ASXL2: variants seen among roughly 807,000 people sequenced by gnomAD.
ASXL2 encodes the protein putative Polycomb group protein ASXL2.
ASXL2 carries 23 observed loss-of-function variants against 122.0 expected under a neutral mutation model. The observed-to-expected ratio is 0.19, with a 90% CI of 0.14 to 0.27. The LOEUF (loss-of-function observed/expected upper bound fraction) is 0.27, where lower values mean the gene tolerates loss of function less well. Ranked by LOEUF, ASXL2 falls within the 10% of genes least tolerant of loss-of-function variation. The probability of loss-of-function intolerance (pLI) is 1.00; values close to 1 mark genes in which losing one functional copy is unlikely to be tolerated. For synonymous variants in ASXL2, 650 were observed against 637.0 expected (o/e 1.02, Z -0.31); for missense variants, 1,518 against 1,713.8 (o/e 0.89, Z 2.02).
Position 25,849,675 on chromosome 2 carries a change from CA to C in ASXL2, c.58-4113del, listed in dbSNP as rs568153380. On this transcript the variant is annotated intron_variant, in intron 1 of 12. Transcript: ENST00000435504. ...TTTTTTTGTAGAGACAGGGTTTTGC[CA>C]TGTTGCCCAGGCCGGTCTCGAACTG... 2.8e-3 allele frequency among the ~76,000 whole-genome samples: 422 copies of C among 151,794 alleles called. 1 individual carries two copies. Among genetic ancestry groups the C allele is most frequent in the African/African-American group, 9.6e-3 (396 of 41,374 alleles).
Position 25,740,087 on chromosome 2 carries a change from T to C in ASXL2, c.*1942A>G, listed in dbSNP as rs1033297499. Reference sequence around the variant, plus strand: ...GCAGCCTTCTTATCTCTTAGCTGTGTGTGCTGGAAGAAAGGAGAAAGATGG... The same window carrying C: ...GCAGCCTTCTTATCTCTTAGCTGTGCGTGCTGGAAGAAAGGAGAAAGATGG... On this transcript the variant is annotated 3_prime_UTR_variant, in exon 13 of 13. Coordinates refer to ENST00000435504, the MANE Select transcript of ASXL2 (RefSeq NM_018263.6). The C allele has an allele frequency of 4.4e-6, 1 of 226,636 alleles. No individual in the cohort carries two copies. Among genetic ancestry groups the C allele is most frequent in the African/African-American group, 2.2e-5 (1 of 45,014 alleles). The allele number at this position is 226,636 out of a possible 1,614,324, so 14.0% of individuals were successfully genotyped here.
intron 2 of ASXL2, among the ~76,000 whole-genome samples, chr2:25,844,438 A>T (rs888707617): frequency 3.9e-5 from 6 of 152,018 alleles, no homozygotes; most frequent in Admixed American, 3.9e-4. Context: ...AAAATTAGGC[A>T]TGGTGGTGCG....
intron 5 of ASXL2, among the ~76,000 whole-genome samples, chr2:25,775,543 C>T (rs571891366): frequency 3.1e-4 from 47 of 152,140 alleles, no homozygotes; most frequent in Non-Finnish European, 5.6e-4. Context: ...ACGTTGTTCT[C>T]GTGATAGTGA....
At chr2:25,819,122 A>G (rs2089276911) in intron 3 of ASXL2, among the ~76,000 whole-genome samples, 1 of 152,136 alleles carries the variant, frequency 6.6e-6, no homozygotes, top group Non-Finnish European at 1.5e-5. Flanking sequence ...CAACAACCAC[A>G]TGAGCTTGGA....
chr2:25,872,991 G>C (rs960949328), intron 1 of ASXL2, among the ~76,000 whole-genome samples: 3 of 151,832 alleles, frequency 2.0e-5, no homozygotes, highest in African/African-American at 7.3e-5. Context: ...TTGGTTACAT[G>C]GATAAGTTCT....
intron 4 of ASXL2, among the ~76,000 whole-genome samples, chr2:25,804,310 G>A (rs935141679): frequency 2.0e-5 from 3 of 152,170 alleles, no homozygotes; most frequent in Admixed American, 6.5e-5. Context: ...TTTCCTTTGG[G>A]GAAAACTCTC....
At chr2:25,748,121 T>C (rs191101506) in intron 12 of ASXL2, among the ~76,000 whole-genome samples, 1 of 151,952 alleles carries the variant, frequency 6.6e-6, no homozygotes, top group African/African-American at 2.4e-5. Context: ...GAGGCTGCAG[T>C]GAGCCAAGAT....
chr2:25,798,850 T>C (rs928833039), intron 5 of ASXL2, among the ~76,000 whole-genome samples: 4 of 152,170 alleles, frequency 2.6e-5, no homozygotes, highest in African/African-American at 9.7e-5. Context: ...AATGAAACTA[T>C]TCTGTTTGAT....
chr2:25,806,165 A>C, intron 4 of ASXL2, 64 bp downstream of exon 4: 1 of 1,053,930 alleles, frequency 9.5e-7, no homozygotes, highest in Non-Finnish European at 1.4e-6. Context: ...CCTACGAGTC[A>C]AATATTTATA....
At position 25,768,817 on chromosome 2, in the gene ASXL2, T is replaced by C. The variant is rs1451571218; in HGVS notation, c.556A>G (p.Ile186Val). 1 of 1,613,876 alleles carries C rather than the reference T, an allele frequency of 6.2e-7. No homozygotes were observed. The highest frequency in any genetic ancestry group is 8.5e-7 in the Non-Finnish European group (1 of 1,179,780). ...KKQQQQCRPS[I>V]SISSNQHLSL... ...AGATGCTGGTTGGAGGAGATGGATA[T>C]GCTTGGCCTGCATTGCTGCTGCTGC... The change falls in exon 7 of 13, where the codon ATA becomes GTA. Residue 186 changes from isoleucine to valine, a missense_variant. Physicochemically the swap from Ile to Val is conservative, Grantham distance 29 (BLOSUM62 3). Around this residue, in one of 8 missense-constraint regions of ASXL2, gnomAD observed 198 missense variants for 209.0 expected, o/e 0.95. Coordinates refer to ENST00000435504, the MANE Select transcript of ASXL2 (RefSeq NM_018263.6).
intron 5 of ASXL2, among the ~76,000 whole-genome samples, chr2:25,795,159 C>T (rs1162036361): frequency 2.0e-5 from 3 of 152,156 alleles, no homozygotes; most frequent in Admixed American, 2.0e-4. Context: ...AGATACCACA[C>T]ACCGCCCATT....
intron 1 of ASXL2, among the ~76,000 whole-genome samples, chr2:25,854,185 C>G (rs2089750996): frequency 6.6e-6 from 1 of 152,052 alleles, no homozygotes; most frequent in Non-Finnish European, 1.5e-5. Context: ...TTTTAATTAT[C>G]CAAAAAGTCT....
At chr2:25,869,102 T>C (rs1000046824) in intron 1 of ASXL2, among the ~76,000 whole-genome samples, 8 of 146,080 alleles carry the variant, frequency 5.5e-5, no homozygotes, top group African/African-American at 2.1e-4. Flanking sequence ...GAGGTGGAGG[T>C]TGCAGTAAGC....
chr2:25,750,465 A>G, intron 11 of ASXL2, 52 bp from the exon 12 acceptor site: 1 of 1,467,192 alleles, frequency 6.8e-7, no homozygotes, highest in South Asian at 1.4e-5. Context: ...CCATGTTGCG[A>G]AAGCATTCAT....
rs888612465 is a variant in ASXL2, at chr2:25,741,962, C to T, written c.*67G>A. The T allele has an allele frequency of 1.8e-5, 27 of 1,461,174 alleles. No individual in the cohort carries two copies. The highest frequency in any genetic ancestry group is 2.0e-4 in the Middle Eastern group (1 of 4,990). 90.5% of individuals were successfully genotyped at this position (1,461,174 alleles called of 1,614,324 possible). On this transcript the variant is annotated 3_prime_UTR_variant, in exon 13 of 13. Coordinates refer to ENST00000435504, the MANE Select transcript of ASXL2 (RefSeq NM_018263.6). ...GTTTATTTCTGTGATTCCAAAAGGA[C>T]GCAAAAAACCCAACTGGTCAACCCT...
chr2:25,767,731 G>C lies in ASXL2; in HGVS notation c.632-5C>G. 6.2e-7 allele frequency: 1 copy of C among 1,612,704 alleles called. No homozygotes were observed. The highest frequency in any genetic ancestry group is 1.3e-5 in the African/African-American group (1 of 74,870). On this transcript the variant is annotated splice_polypyrimidine_tract_variant and splice_region_variant and intron_variant, in intron 7 of 12. Transcript: ENST00000435504. ...ATTGCTTTCCTTCCCATGTTGCTAG[G>C]AGAAAAAAATACGTATAAAGACTGG...
Position 25,878,470 on chromosome 2 carries a change from C to A in ASXL2, c.-248G>T. The A allele has an allele frequency of 3.8e-6, 2 of 528,146 alleles. No individual in the cohort carries two copies. Among genetic ancestry groups the A allele is most frequent in the East Asian group, 3.4e-5 (1 of 29,644 alleles). The allele number at this position is 528,146 out of a possible 1,614,324, so 32.7% of individuals were successfully genotyped here. A position where few individuals can be genotyped will look rare whatever the true frequency, so the allele number is the denominator to read the frequency against. On this transcript the variant is annotated 5_prime_UTR_variant, in exon 1 of 13. Transcript: ENST00000435504. The stretch of plus-strand genomic sequence containing the variant: ...CCATATTGGGTTCTTACTGTACAGG[C>A]TGCCGCTACGGTCATGTGACCGCTC...
intron 3 of ASXL2, among the ~76,000 whole-genome samples, chr2:25,830,552 G>A (rs1435167174): frequency 1.3e-5 from 2 of 151,610 alleles, no homozygotes; most frequent in African/African-American, 4.8e-5. Flanking sequence ...CTTGAACCCA[G>A]GAAGTGGAGG....
At chr2:25,772,800 AAGCAT>A (rs2149156633) in intron 5 of ASXL2, among the ~76,000 whole-genome samples, 1 of 152,030 alleles carries the variant, frequency 6.6e-6, no homozygotes, top group Non-Finnish European at 1.5e-5. Context: ...AAAAATGTAG[AAGCAT>A]AGCTCATTGG....
Sources: allele counts gnomAD v4.1 joint callset (sites outside exome capture counted in the v4.1 genomes callset), GRCh38; gene constraint gnomAD v4.1.1; regional missense constraint gnomAD v4.1.1; transcripts MANE v1.5; gene names NCBI Gene and HGNC (gene_info 2026-07-23, HGNC 2026-07-21).